Variants in WWOX observed in about 807,000 individuals in gnomAD.
WWOX encodes WW domain-containing oxidoreductase.
WWOX carries 69 observed loss-of-function variants against 46.2 expected under a neutral mutation model. The observed-to-expected ratio is 1.49, with a 90% CI of 1.23 to 1.82. WWOX has a LOEUF of 1.82. Ranked by LOEUF, WWOX falls within the 40% of genes most tolerant of loss-of-function variation. The pLI is 0.00. For synonymous variants in WWOX, 359 were observed against 202.6 expected (o/e 1.77, Z -6.56); for missense variants, 919 against 542.6 (o/e 1.69, Z -6.89).
In WWOX at chr16:78,710,486, A is replaced by ATATATATATATATATATATATATATT. The variant is rs1303049001; in HGVS notation, c.1056+277747_1056+277748insATATATATATATTTATATATATATAT. 1.7e-3 allele frequency among the ~76,000 whole-genome samples: 217 copies of ATATATATATATATATATATATATATT among 127,254 alleles called. 3 individuals carry two copies. The highest frequency in any genetic ancestry group is 2.7e-3 in the Non-Finnish European group (164 of 60,436). The allele number at this position is 127,254 out of a possible 152,430, so 83.5% of individuals were successfully genotyped here. A position where few individuals can be genotyped will look rare whatever the true frequency, so the allele number is the denominator to read the frequency against. Reference sequence around the variant, plus strand: ...GCTAATGGATCTCATATATATATATATATATATATATATTTATATAAATAT... The same window carrying ATATATATATATATATATATATATATT: ...GCTAATGGATCTCATATATATATATATATATATATATATATATATATATATTTATATATATATATTTATATAAATAT... On this transcript the variant is annotated intron_variant, in intron 8 of 8. Coordinates refer to ENST00000566780, the MANE Select transcript of WWOX (RefSeq NM_016373.4).
At chr16:78,735,155 C>T (rs1171244032) in intron 8 of WWOX, among the ~76,000 whole-genome samples, 1 of 151,900 alleles carries the variant, frequency 6.6e-6, no homozygotes, top group African/African-American at 2.4e-5. Flanking sequence ...GGGTGAGCCA[C>T]CACGTCTGGC....
At chr16:78,932,651 C>T (rs1299065941) in intron 8 of WWOX, among the ~76,000 whole-genome samples, 1 of 152,214 alleles carries the variant, frequency 6.6e-6, no homozygotes, top group African/African-American at 2.4e-5. Flanking sequence ...CAGCTGCGGC[C>T]TCTGGGGTGA....
chr16:78,626,352 G>C (rs1006222965), intron 8 of WWOX, among the ~76,000 whole-genome samples: 7 of 152,042 alleles, frequency 4.6e-5, no homozygotes, highest in African/African-American at 1.7e-4. Flanking sequence ...GCATCTTCTT[G>C]GCTGTGACAG....
chr16:78,663,824 C>G (rs144984482), intron 8 of WWOX, among the ~76,000 whole-genome samples: 1 of 152,264 alleles, frequency 6.6e-6, no homozygotes, highest in East Asian at 1.9e-4. Context: ...ATCTCAAGCA[C>G]AGGTGCAGCA....
chr16:79,187,815 T>A (rs1178870209), intron 8 of WWOX, among the ~76,000 whole-genome samples: 1 of 152,246 alleles, frequency 6.6e-6, no homozygotes, highest in Non-Finnish European at 1.5e-5. Flanking sequence ...TTGCTGGGAT[T>A]ACAGGCGTGA....
intron 8 of WWOX, among the ~76,000 whole-genome samples, chr16:78,497,789 C>T (rs1419543764): frequency 1.3e-5 from 2 of 150,394 alleles, no homozygotes; most frequent in African/African-American, 2.4e-5. Flanking sequence ...CTGTTTTTCA[C>T]AATGAGAGGT....
In WWOX at chr16:78,198,764, CAT is replaced by C. The variant is rs1202626837; in HGVS notation, c.516+34478_516+34479del. On this transcript the variant is annotated intron_variant, in intron 5 of 8. Coordinates refer to ENST00000566780, the MANE Select transcript of WWOX (RefSeq NM_016373.4). ...GTAACTTCAGATTTTGTATATTTCG[CAT>C]ATGTCAATATGTAAACATTTTATAT... Among the ~76,000 whole-genome samples the C allele has an allele frequency of 2.6e-5, 4 of 152,240 alleles. No homozygotes were observed. The East Asian group carries it at 7.7e-4, about 29-fold the overall frequency.
At chr16:78,546,822 G>C (rs1009827378) in intron 8 of WWOX, among the ~76,000 whole-genome samples, 7 of 152,232 alleles carry the variant, frequency 4.6e-5, no homozygotes, top group Non-Finnish European at 7.4e-5. Context: ...CACAACAGTA[G>C]TTGTTAAGAA....
rs1485238260 is a variant in WWOX, at chr16:78,318,442, A to G, written c.517-68418A>G. ...CGACAAGAGCGCAATTCTGTCAAAA[A>G]TAATATTATTCTGTTGTTTCCTAAT... is the stretch of plus-strand genomic sequence containing the variant. On this transcript the variant is annotated intron_variant, in intron 5 of 8. Coordinates refer to ENST00000566780, the MANE Select transcript of WWOX (RefSeq NM_016373.4). Among the ~76,000 whole-genome samples, 6 of 151,732 alleles carry G rather than the reference A, an allele frequency of 4.0e-5. No individual in the cohort carries two copies. In the East Asian group the frequency reaches 1.2e-3, roughly 29 times the overall value.
intron 8 of WWOX, among the ~76,000 whole-genome samples, chr16:78,460,667 G>A (rs190247097): frequency 2.6e-5 from 4 of 152,314 alleles, no homozygotes; most frequent in Non-Finnish European, 5.9e-5. Context: ...ATGACCTGCT[G>A]TGTCCTTGCT....
chr16:78,561,159 A>G (rs1047866276), intron 8 of WWOX, among the ~76,000 whole-genome samples: 1 of 152,138 alleles, frequency 6.6e-6, no homozygotes, highest in African/African-American at 2.4e-5. Context: ...GGCTGCCCTC[A>G]GCTCCCAGAG....
intron 8 of WWOX, among the ~76,000 whole-genome samples, chr16:78,593,117 G>A (rs1315090190): frequency 1.3e-5 from 2 of 152,162 alleles, no homozygotes; most frequent in African/African-American, 4.8e-5. Flanking sequence ...CCCACTGGGA[G>A]TTTGTGCCAA....
chr16:78,830,606 TCAGA>T (rs1214282088), intron 8 of WWOX, among the ~76,000 whole-genome samples: 1 of 151,962 alleles, frequency 6.6e-6, no homozygotes, highest in Non-Finnish European at 1.5e-5. Flanking sequence ...AATTAAGCCT[TCAGA>T]CAATCGAAAA....
chr16:78,996,124 C>T (rs764529090), intron 8 of WWOX: 16 of 870,838 alleles, frequency 1.8e-5, no homozygotes, highest in Non-Finnish European at 2.2e-5. Context: ...TGAAAGTCAG[C>T]TCAGGCGTAG....
chr16:78,780,973 C>T (rs1176407205), intron 8 of WWOX, among the ~76,000 whole-genome samples: 2 of 152,156 alleles, frequency 1.3e-5, no homozygotes, highest in Non-Finnish European at 2.9e-5. Flanking sequence ...ACCTTGGGGC[C>T]AGCCTGCAGA....
At chr16:79,004,820 C>T (rs532468786) in intron 8 of WWOX, 1 of 152,210 alleles carries the variant, frequency 6.6e-6, no homozygotes, top group East Asian at 1.9e-4. Context: ...GCACAGCAGG[C>T]ACTTGGGTTT....
In WWOX at chr16:78,782,666, CTT is replaced by C. The variant is rs59862391; in HGVS notation, c.1056+349930_1056+349931del. Among the ~76,000 whole-genome samples, 442 of 131,732 alleles carry C rather than the reference CTT, an allele frequency of 3.4e-3. 2 individuals carry two copies. Among genetic ancestry groups the C allele is most frequent in the African/African-American group, 0.011 (379 of 35,920 alleles). 86.4% of individuals were successfully genotyped at this position (131,732 alleles called of 152,430 possible). A position where few individuals can be genotyped will look rare whatever the true frequency, so the allele number is the denominator to read the frequency against. On this transcript the variant is annotated intron_variant, in intron 8 of 8. Coordinates refer to ENST00000566780, the MANE Select transcript of WWOX (RefSeq NM_016373.4). Reference sequence around the variant, plus strand: ...TCTTTCCGGTCTTTCTTTTCTATATCTTTTTTTTTTTTTTTTTGCATTTTTCC... The same window carrying C: ...TCTTTCCGGTCTTTCTTTTCTATATCTTTTTTTTTTTTTTTGCATTTTTCC...
At chr16:78,263,132 C>G (rs181979317) in intron 5 of WWOX, among the ~76,000 whole-genome samples, 2 of 152,106 alleles carry the variant, frequency 1.3e-5, no homozygotes, top group African/African-American at 2.4e-5. Flanking sequence ...CTCAGCTACT[C>G]GAGAGGCTGA....
intron 4 of WWOX, among the ~76,000 whole-genome samples, chr16:78,152,046 C>T (rs956342841): frequency 4.6e-5 from 7 of 152,044 alleles, no homozygotes; most frequent in Non-Finnish European, 7.4e-5. Context: ...AAAAATTAGC[C>T]GGGTGTGGTG....
Sources: gnomAD v4.1 joint callset for allele counts (sites outside exome capture counted in the v4.1 genomes callset) on GRCh38, gnomAD v4.1.1 for gene constraint, MANE v1.5 for transcripts, NCBI Gene and HGNC (gene_info 2026-07-23, HGNC 2026-07-21) for gene names.